BACH2: variants seen among roughly 807,000 people sequenced by gnomAD.
BACH2 encodes transcription regulator protein BACH2.
In BACH2, 5 loss-of-function variants were observed where a neutral mutation model predicts 61.8. That is an observed-to-expected ratio of 0.08 (90% CI 0.04 to 0.17). BACH2 has a LOEUF of 0.17. Among genes scored for constraint, BACH2 ranks in the 10% least tolerant of loss-of-function variants. BACH2 has a pLI of 1.00. For missense variants in BACH2, 824 were observed against 1,091.1 expected (o/e 0.76, Z 3.45); for synonymous variants, 446 against 440.1 (o/e 1.01, Z -0.17).
chr6:89,943,178 C>T (rs1773534867), intron 7 of BACH2, among the ~76,000 whole-genome samples: 1 of 152,074 alleles, frequency 6.6e-6, no homozygotes, highest in South Asian at 2.1e-4. Flanking sequence ...ATTCTTAGGT[C>T]CAGGTGTGAC....
At chr6:90,285,280 T>C (rs936482897) in intron 1 of BACH2, among the ~76,000 whole-genome samples, 3 of 152,166 alleles carry the variant, frequency 2.0e-5, no homozygotes, top group Non-Finnish European at 4.4e-5. Context: ...ACAAAAGCTG[T>C]CATCACTTAG....
chr6:90,113,017 C>T (rs957039368), intron 4 of BACH2, among the ~76,000 whole-genome samples: 3 of 152,160 alleles, frequency 2.0e-5, no homozygotes, highest in African/African-American at 7.2e-5. Flanking sequence ...AAGGGCATTA[C>T]ATAATGGTAA....
At chr6:89,954,199 G>A (rs1237717579) in intron 6 of BACH2, among the ~76,000 whole-genome samples, 1 of 152,114 alleles carries the variant, frequency 6.6e-6, no homozygotes, top group African/African-American at 2.4e-5. Flanking sequence ...TTGCCAAAAG[G>A]GTGGATAAGA....
At chr6:90,284,072 A>G (rs1361851090) in intron 1 of BACH2, among the ~76,000 whole-genome samples, 5 of 152,154 alleles carry the variant, frequency 3.3e-5, no homozygotes, top group Admixed American at 6.6e-5. Context: ...TGTTAAATAT[A>G]CATGTTGGTC....
intron 5 of BACH2, among the ~76,000 whole-genome samples, chr6:90,046,710 GT>G (rs1388165331): frequency 2.0e-5 from 3 of 152,018 alleles, no homozygotes; most frequent in Admixed American, 6.6e-5. Flanking sequence ...TCTTTCAGAT[GT>G]TTTTTCCACA....
At chr6:90,031,384 T>G (rs1203324862) in intron 5 of BACH2, among the ~76,000 whole-genome samples, 1 of 152,040 alleles carries the variant, frequency 6.6e-6, no homozygotes, top group Admixed American at 6.5e-5. Flanking sequence ...AAATAAAGGG[T>G]ATTCAATTAG....
chr6:90,225,759 G>A (rs1769892433), intron 3 of BACH2, among the ~76,000 whole-genome samples: 2 of 152,148 alleles, frequency 1.3e-5, no homozygotes, highest in African/African-American at 4.8e-5. Context: ...CGTGTATCCT[G>A]GAACTTAAAT....
intron 6 of BACH2, among the ~76,000 whole-genome samples, chr6:89,961,371 C>T (rs895874292): frequency 4.6e-5 from 7 of 152,034 alleles, no homozygotes; most frequent in African/African-American, 1.7e-4. Flanking sequence ...AGTAGTAAAA[C>T]CTGCATCAAG....
intron 4 of BACH2, among the ~76,000 whole-genome samples, chr6:90,147,428 T>C (rs1784660378): frequency 6.6e-6 from 1 of 152,138 alleles, no homozygotes; most frequent in African/African-American, 2.4e-5. Flanking sequence ...CCATAAGCCT[T>C]CCCACATGCT....
At chr6:90,014,643 T>G (rs1406134383) in intron 5 of BACH2, among the ~76,000 whole-genome samples, 1 of 150,754 alleles carries the variant, frequency 6.6e-6, no homozygotes, top group Non-Finnish European at 1.5e-5. Context: ...GCCCAGCTAA[T>G]TTTTGTATTT....
At chr6:90,218,749 G>C (rs1289895028) in intron 3 of BACH2, among the ~76,000 whole-genome samples, 1 of 152,046 alleles carries the variant, frequency 6.6e-6, no homozygotes, top group Admixed American at 6.6e-5. Context: ...CAGATGAATG[G>C]GCTCAGCAGT....
chr6:90,181,269 T>G (rs1768152402), intron 4 of BACH2, among the ~76,000 whole-genome samples: 1 of 152,162 alleles, frequency 6.6e-6, no homozygotes, highest in Non-Finnish European at 1.5e-5. Context: ...TTGAGAACAC[T>G]CTATAACATG....
At chr6:90,261,973 T>C (rs1181335260) in intron 2 of BACH2, among the ~76,000 whole-genome samples, 2 of 152,124 alleles carry the variant, frequency 1.3e-5, no homozygotes, top group Non-Finnish European at 1.5e-5. Context: ...TCGCCTTGGA[T>C]TCCATTCCTA....
intron 1 of BACH2, among the ~76,000 whole-genome samples, chr6:90,293,146 C>T (rs1365572533): frequency 1.3e-5 from 2 of 152,184 alleles, no homozygotes; most frequent in Admixed American, 6.5e-5. Context: ...AGGAAGGGGG[C>T]CTATGTAACT....
intron 5 of BACH2, among the ~76,000 whole-genome samples, chr6:90,065,927 A>T (rs1318485724): frequency 3.3e-5 from 5 of 152,214 alleles, no homozygotes; most frequent in Non-Finnish European, 7.3e-5. Context: ...AAGGATTTAT[A>T]AAAGGGAAAA....
Position 90,185,537 on chromosome 6 carries a change from G to T in BACH2, c.-162+21032C>A, listed in dbSNP as rs1408488146. Among the ~76,000 whole-genome samples the T allele has an allele frequency of 2.0e-5, 3 of 151,992 alleles. No homozygotes were observed. The East Asian group carries it at 5.8e-4, about 29-fold the overall frequency. ...TAACACGATCTTTTTGTGGTTGTGG[G>T]ATTATACATGATTTTTGTTTTTTCT... On this transcript the variant is annotated intron_variant, in intron 4 of 8. Transcript: ENST00000257749.
At chr6:90,156,918 T>A (rs1785013576) in intron 4 of BACH2, among the ~76,000 whole-genome samples, 1 of 152,148 alleles carries the variant, frequency 6.6e-6, no homozygotes, top group Non-Finnish European at 1.5e-5. Context: ...CTGTGCAGCA[T>A]CCAGAGAGAA....
At chr6:90,262,369 C>T (rs139265163) in intron 2 of BACH2, among the ~76,000 whole-genome samples, 1 of 152,248 alleles carries the variant, frequency 6.6e-6, no homozygotes, top group Non-Finnish European at 1.5e-5. Context: ...GACCAATTCA[C>T]CTATCTGTGG....
intron 1 of BACH2, among the ~76,000 whole-genome samples, chr6:90,295,431 C>T (rs1035520306): frequency 2.0e-5 from 3 of 152,116 alleles, no homozygotes; most frequent in African/African-American, 7.2e-5. Flanking sequence ...AGACCGAGGT[C>T]GCCGAGATGC....
Sources: allele counts gnomAD v4.1 joint callset (sites outside exome capture counted in the v4.1 genomes callset), GRCh38; gene constraint gnomAD v4.1.1; transcripts MANE v1.5; gene names NCBI Gene and HGNC (gene_info 2026-07-23, HGNC 2026-07-21).